SYNPR: variants seen among roughly 807,000 people sequenced by gnomAD.
SYNPR encodes the protein synaptoporin.
In SYNPR, 23 loss-of-function variants were observed where a neutral mutation model predicts 32.9. That is an observed-to-expected ratio of 0.70 (90% CI 0.50 to 0.99). The LOEUF is 0.99. Ranked by LOEUF, SYNPR falls within the 50% of genes least tolerant of loss-of-function variation. The probability of loss-of-function intolerance (pLI) is 0.00; values close to 1 mark genes in which losing one functional copy is unlikely to be tolerated. For missense variants in SYNPR, 318 were observed against 349.3 expected (o/e 0.91, Z 0.71); for synonymous variants, 146 against 135.9 (o/e 1.07, Z -0.52).
At chr3:63,499,925 A>G (rs1164403478) in intron 3 of SYNPR, among the ~76,000 whole-genome samples, 1 of 152,014 alleles carries the variant, frequency 6.6e-6, no homozygotes, top group East Asian at 1.9e-4. Context: ...ACACACAAAA[A>G]CTGTTTTGTA....
intron 3 of SYNPR, among the ~76,000 whole-genome samples, chr3:63,555,544 G>A (rs1702581634): frequency 6.6e-6 from 1 of 152,090 alleles, no homozygotes; most frequent in African/African-American, 2.4e-5. Flanking sequence ...TACTTACTGA[G>A]CTGAAAGTAT....
At chr3:63,494,483 A>G (rs1701331014) in intron 3 of SYNPR, among the ~76,000 whole-genome samples, 1 of 144,056 alleles carries the variant, frequency 6.9e-6, no homozygotes, top group Admixed American at 7.1e-5. Flanking sequence ...ATATACATAT[A>G]TATACATATA....
chr3:63,271,656 A>G (rs181281427), intron 3 of SYNPR, among the ~76,000 whole-genome samples: 186 of 152,220 alleles, frequency 1.2e-3, no homozygotes, highest in Non-Finnish European at 1.5e-3. Context: ...AAATTATTAG[A>G]GATTGTACAT....
intron 2 of SYNPR, among the ~76,000 whole-genome samples, chr3:63,398,638 G>C (rs893056299): frequency 3.3e-5 from 5 of 151,860 alleles, no homozygotes; most frequent in African/African-American, 1.2e-4. Context: ...AGAATGGCGT[G>C]AACCTAGGAG....
At chr3:63,365,479 G>A (rs1229220763) in intron 2 of SYNPR, among the ~76,000 whole-genome samples, 3 of 152,224 alleles carry the variant, frequency 2.0e-5, no homozygotes, top group East Asian at 1.9e-4. Context: ...ATAGAGGTTC[G>A]CATAAGAAGT....
chr3:63,524,999 A>G (rs1461391359), intron 3 of SYNPR, among the ~76,000 whole-genome samples: 1 of 151,910 alleles, frequency 6.6e-6, no homozygotes, highest in Non-Finnish European at 1.5e-5. Context: ...CCAGATTCCA[A>G]CCTGAGAGCT....
At chr3:63,610,901 A>G (rs974850672) in intron 5 of SYNPR, among the ~76,000 whole-genome samples, 1 of 152,212 alleles carries the variant, frequency 6.6e-6, no homozygotes, top group African/African-American at 2.4e-5. Context: ...TGTGTCTCCT[A>G]AAACCAAAAT....
chr3:63,201,870 T>A, the SYNPR span, among the ~76,000 whole-genome samples: 1 of 152,180 alleles, frequency 6.6e-6, no homozygotes, highest in East Asian at 1.9e-4. Context: ...CTACTATTTT[T>A]ACTATTTACA....
chr3:63,586,185 T>C (rs958799105), intron 4 of SYNPR, among the ~76,000 whole-genome samples: 1 of 151,992 alleles, frequency 6.6e-6, no homozygotes, highest in Non-Finnish European at 1.5e-5. Flanking sequence ...GACAGAATAA[T>C]GGGTCTTCAA....
At chr3:63,219,952 T>C in the SYNPR span, among the ~76,000 whole-genome samples, 2 of 152,170 alleles carry the variant, frequency 1.3e-5, no homozygotes, top group South Asian at 4.1e-4. Context: ...CAGAACTGTG[T>C]TGTACAAAGG....
chr3:63,412,323 A>G (rs978091237), intron 2 of SYNPR, among the ~76,000 whole-genome samples: 10 of 152,146 alleles, frequency 6.6e-5, no homozygotes, highest in African/African-American at 2.4e-4. Flanking sequence ...CACTGAAAAT[A>G]TTTCTTTATT....
chr3:63,328,933 A>G (rs1346307460), intron 2 of SYNPR, among the ~76,000 whole-genome samples: 1 of 152,192 alleles, frequency 6.6e-6, no homozygotes, highest in Non-Finnish European at 1.5e-5. Context: ...GCTGTACACT[A>G]GTCATCGCAC....
At chr3:63,536,755 G>C (rs1702216254) in intron 3 of SYNPR, among the ~76,000 whole-genome samples, 1 of 152,022 alleles carries the variant, frequency 6.6e-6, no homozygotes, top group Admixed American at 6.6e-5. Context: ...ATTTTTTAAA[G>C]GTGATATAGC....
chr3:63,228,825 ACAAT>A (rs908095478), intron 1 of SYNPR, among the ~76,000 whole-genome samples: 9 of 152,008 alleles, frequency 5.9e-5, no homozygotes, highest in East Asian at 5.8e-4. Context: ...ATGGGAAAAA[ACAAT>A]CAAACTTCTA....
chr3:63,480,821 G>T lies in SYNPR; in HGVS notation c.85-11G>T, dbSNP rs750152124. On this transcript the variant is annotated splice_polypyrimidine_tract_variant and intron_variant, in intron 2 of 5. Transcript: ENST00000478300. ...ATAACTGCCTTCTATTTGTTTAATT[G>T]TTCTCCACAGCTTTTTGCAATCTTT... 3.7e-6 allele frequency: 6 copies of T among 1,612,144 alleles called. No homozygotes were observed. The East Asian group carries it at 6.7e-5, about 18-fold the overall frequency.
chr3:63,354,082 C>A (rs2087544738), intron 2 of SYNPR, among the ~76,000 whole-genome samples: 1 of 152,122 alleles, frequency 6.6e-6, no homozygotes, highest in Admixed American at 6.6e-5. Flanking sequence ...GCTTGAGTTT[C>A]CTCACAAATA....
chr3:63,369,238 C>T (rs958610853), intron 2 of SYNPR, among the ~76,000 whole-genome samples: 2 of 152,074 alleles, frequency 1.3e-5, no homozygotes, highest in African/African-American at 4.8e-5. Context: ...AGGACAGGGA[C>T]CTCAGGAGAA....
chr3:63,295,736 C>A (rs1216621959), intron 2 of SYNPR, among the ~76,000 whole-genome samples: 2 of 152,150 alleles, frequency 1.3e-5, no homozygotes, highest in African/African-American at 4.8e-5. Flanking sequence ...CTGAATTGAT[C>A]TTATTTGTAT....
chr3:63,261,879 G>T (rs1356409404), intron 2 of SYNPR, among the ~76,000 whole-genome samples: 1 of 151,590 alleles, frequency 6.6e-6, no homozygotes. Context: ...GACTGTCGTG[G>T]GGTGGGGGGA....
Sources: gnomAD v4.1 joint callset for allele counts (sites outside exome capture counted in the v4.1 genomes callset) on GRCh38, gnomAD v4.1.1 for gene constraint, MANE v1.5 for transcripts, NCBI Gene and HGNC (gene_info 2026-07-23, HGNC 2026-07-21) for gene names.